Variants in CCDC171 observed in about 807,000 individuals in gnomAD.
The protein encoded by CCDC171 is coiled-coil domain-containing protein 171.
Under a neutral mutation model 168.2 loss-of-function variants are expected in CCDC171, and 177 were observed. The ratio of observed to expected loss-of-function variants is 1.05; its 90% confidence interval spans 0.93 to 1.19. CCDC171 has a LOEUF of 1.19. CCDC171 is among the 50% of genes most tolerant of loss of function. CCDC171 has a pLI of 0.00. For synonymous variants in CCDC171, 687 were observed against 540.8 expected, an observed-to-expected ratio of 1.27 and a Z score of -3.75; for missense variants, 1,991 against 1,539.0, an observed-to-expected ratio of 1.29 and a Z score of -4.91.
intron 25 of CCDC171, among the ~76,000 whole-genome samples, chr9:15,965,317 G>T (rs989430325): frequency 2.0e-5 from 3 of 152,146 alleles, no homozygotes; most frequent in Non-Finnish European, 2.9e-5. Flanking sequence ...AGAGAGGTTT[G>T]TTGAGCCCTT....
chr9:15,592,268 A>G (rs919929614), intron 5 of CCDC171, among the ~76,000 whole-genome samples: 22 of 151,984 alleles, frequency 1.4e-4, no homozygotes, highest in African/African-American at 5.3e-4. Flanking sequence ...GTTTGAGGCC[A>G]CAGTATACCA....
intron 21 of CCDC171, among the ~76,000 whole-genome samples, chr9:15,813,592 A>G (rs2059443447): frequency 6.7e-6 from 1 of 148,680 alleles, no homozygotes; most frequent in Non-Finnish European, 1.5e-5. Context: ...CATTTTACAT[A>G]CTTTTACATG....
chr9:15,755,884 G>A (rs2134967981), intron 18 of CCDC171, among the ~76,000 whole-genome samples: 1 of 152,276 alleles, frequency 6.6e-6, no homozygotes, highest in East Asian at 1.9e-4. Context: ...TGTGGTTATA[G>A]TTGCACAACT....
chr9:16,030,534 A>G (rs968453813), intron 6 of CCDC171, among the ~76,000 whole-genome samples: 7 of 152,184 alleles, frequency 4.6e-5, no homozygotes, highest in Non-Finnish European at 8.8e-5. Flanking sequence ...GTGGGTTTAG[A>G]TTGAGAATAT....
intron 6 of CCDC171, among the ~76,000 whole-genome samples, chr9:15,597,881 T>A (rs1264596101): frequency 6.6e-6 from 1 of 152,198 alleles, no homozygotes; most frequent in East Asian, 1.9e-4. Context: ...TGGGAGGGTG[T>A]ATGTGTCCAG....
intron 24 of CCDC171, among the ~76,000 whole-genome samples, chr9:15,910,096 A>AATTAT (rs1418430309): frequency 6.6e-6 from 1 of 151,658 alleles, no homozygotes; most frequent in Non-Finnish European, 1.5e-5. Context: ...TAATGGCCTT[A>AATTAT]ATTATATCCA....
chr9:15,726,310 A>G (rs1189307921), intron 14 of CCDC171, among the ~76,000 whole-genome samples: 5 of 152,198 alleles, frequency 3.3e-5, no homozygotes, highest in Middle Eastern at 3.2e-3. Context: ...GTCTCTTTTC[A>G]TGCCAAATGG....
At chr9:15,957,590 G>C (rs888700987) in intron 25 of CCDC171, among the ~76,000 whole-genome samples, 1 of 152,068 alleles carries the variant, frequency 6.6e-6, no homozygotes, top group African/African-American at 2.4e-5. Flanking sequence ...CCCCTTTTCT[G>C]CCCAAGCAGA....
chr9:15,810,600 G>A (rs1027331083), intron 21 of CCDC171, among the ~76,000 whole-genome samples: 3 of 152,178 alleles, frequency 2.0e-5, no homozygotes, highest in Non-Finnish European at 4.4e-5. Flanking sequence ...CGGGCGGGCC[G>A]GCAGTGCTGG....
chr9:15,875,872 G>A (rs1031228736), intron 24 of CCDC171: 2 of 151,924 alleles, frequency 1.3e-5, no homozygotes, highest in Admixed American at 1.3e-4. Flanking sequence ...CTGTTATAGG[G>A]TAGATTGCTG....
the CCDC171 span, among the ~76,000 whole-genome samples, chr9:16,090,420 G>C: frequency 1.3e-5 from 2 of 152,094 alleles, no homozygotes; most frequent in Admixed American, 1.3e-4. Flanking sequence ...CTGTTAGGGG[G>C]TGGGGGGCTA....
At chr9:16,048,652 C>G (rs571107818) in intron 1 of CCDC171, among the ~76,000 whole-genome samples, 1 of 152,152 alleles carries the variant, frequency 6.6e-6, no homozygotes, top group Non-Finnish European at 1.5e-5. Flanking sequence ...CTTTATCTCT[C>G]TCTCTTTTTT....
chr9:15,673,375 G>A (rs767027889), intron 9 of CCDC171, among the ~76,000 whole-genome samples: 15 of 152,150 alleles, frequency 9.9e-5, no homozygotes, highest in Admixed American at 9.8e-4. Flanking sequence ...CTGGCCAGAA[G>A]TTCCAACACT....
chr9:15,938,011 A>T (rs565304532), intron 25 of CCDC171, among the ~76,000 whole-genome samples: 1 of 152,008 alleles, frequency 6.6e-6, no homozygotes, highest in African/African-American at 2.4e-5. Context: ...TAGAGAACAA[A>T]TTAGTAATCC....
the CCDC171 span, among the ~76,000 whole-genome samples, chr9:16,079,255 G>C: frequency 6.6e-6 from 1 of 152,140 alleles, no homozygotes; most frequent in Non-Finnish European, 1.5e-5. Flanking sequence ...CTGGTGTTAC[G>C]GTTTGAATTG....
intron 23 of CCDC171, among the ~76,000 whole-genome samples, chr9:15,874,260 A>C (rs1333569537): frequency 2.6e-5 from 4 of 152,174 alleles, no homozygotes; most frequent in Non-Finnish European, 5.9e-5. Flanking sequence ...GTGAAAAAAT[A>C]ATTCAAAACC....
rs755161826 is a variant in CCDC171 at position 15,874,518 on chromosome 9, T to G, written c.3469-14T>G. The G allele has an allele frequency of 6.9e-6, 11 of 1,582,940 alleles. No homozygotes were observed. In the South Asian group the frequency reaches 1.3e-4, roughly 18 times the overall value. ...GAAGGGGAATTACCATTGATGCTGTTTTTTTCCCTTTAGGTCAGAGATCAG... is the reference window on the plus strand; with the variant it reads ...GAAGGGGAATTACCATTGATGCTGTGTTTTTCCCTTTAGGTCAGAGATCAG... On this transcript the variant is annotated splice_polypyrimidine_tract_variant and intron_variant, in intron 23 of 25. Transcript: ENST00000380701.
At chr9:15,800,671 T>G (rs2135776029) in intron 21 of CCDC171, among the ~76,000 whole-genome samples, 1 of 152,188 alleles carries the variant, frequency 6.6e-6, no homozygotes, top group South Asian at 2.1e-4. Flanking sequence ...GCGATATTTC[T>G]TAAGAATTTT....
the CCDC171 span, among the ~76,000 whole-genome samples, chr9:16,090,051 C>T: frequency 1.3e-5 from 2 of 152,218 alleles, no homozygotes; most frequent in Admixed American, 6.5e-5. Context: ...ACCGTTTGAC[C>T]CAGCAATCTC....
Sources: gnomAD v4.1 joint callset for allele counts (sites outside exome capture counted in the v4.1 genomes callset) on GRCh38, gnomAD v4.1.1 for gene constraint, MANE v1.5 for transcripts, NCBI Gene and HGNC (gene_info 2026-07-23, HGNC 2026-07-21) for gene names.